The following CNTN5 variants were observed in gnomAD, a reference collection of about 807,000 sequenced individuals.
CNTN5 encodes contactin 5.
In CNTN5, 77 loss-of-function variants were observed where a neutral mutation model predicts 129.1. That is an observed-to-expected ratio of 0.60 (90% CI 0.50 to 0.72). The LOEUF is 0.72. CNTN5 is among the 30% of genes least tolerant of loss of function. CNTN5 has a pLI of 0.00. For synonymous variants in CNTN5, 509 were observed against 465.6 expected (o/e 1.09, Z -1.20); for missense variants, 1,478 against 1,328.8 (o/e 1.11, Z -1.75).
chr11:99,562,358 T>C (rs1201059848), intron 3 of CNTN5, among the ~76,000 whole-genome samples: 1 of 152,194 alleles, frequency 6.6e-6, no homozygotes, highest in Non-Finnish European at 1.5e-5. Flanking sequence ...ATCAGTCATA[T>C]ACAGGGAATA....
At chr11:99,329,217 A>G (rs1466798716) in intron 2 of CNTN5, among the ~76,000 whole-genome samples, 1 of 152,196 alleles carries the variant, frequency 6.6e-6, no homozygotes, top group Non-Finnish European at 1.5e-5. Flanking sequence ...TTAGTGTGAT[A>G]ATGTAACAGA....
At chr11:100,016,619 T>G (rs1394123703) in intron 9 of CNTN5, among the ~76,000 whole-genome samples, 2 of 152,008 alleles carry the variant, frequency 1.3e-5, no homozygotes, top group African/African-American at 2.4e-5. Flanking sequence ...CCAGGCTGTT[T>G]GCTTGATTTT....
intron 3 of CNTN5, among the ~76,000 whole-genome samples, chr11:99,689,472 A>T (rs1263141727): frequency 1.5e-5 from 2 of 133,794 alleles, no homozygotes; most frequent in East Asian, 5.0e-4. Flanking sequence ...GCTTGCAGTG[A>T]GCCGAGGTCG....
intron 13 of CNTN5, among the ~76,000 whole-genome samples, chr11:100,115,115 TAAAAA>T (rs11388029): frequency 1.3e-5 from 1 of 78,408 alleles, no homozygotes; most frequent in African/African-American, 5.1e-5. Flanking sequence ...AGGTATACAG[TAAAAA>T]AAAAAAAAAA....
At chr11:99,818,370 C>T (rs1946662411) in intron 3 of CNTN5, among the ~76,000 whole-genome samples, 1 of 152,130 alleles carries the variant, frequency 6.6e-6, no homozygotes, top group South Asian at 2.1e-4. Context: ...ATCCTCCCAG[C>T]TCAGCTTCCC....
At chr11:99,933,532 C>T (rs1373208616) in intron 7 of CNTN5, among the ~76,000 whole-genome samples, 1 of 152,096 alleles carries the variant, frequency 6.6e-6, no homozygotes, top group Non-Finnish European at 1.5e-5. Flanking sequence ...CCCTGATATT[C>T]ATTGATGTGA....
chr11:99,682,492 C>T (rs577178384), intron 3 of CNTN5, among the ~76,000 whole-genome samples: 1 of 151,960 alleles, frequency 6.6e-6, no homozygotes, highest in African/African-American at 2.4e-5. Context: ...ATAGAACAAA[C>T]TTGTAAACTT....
chr11:99,676,125 CT>C (rs1451253349), intron 3 of CNTN5, among the ~76,000 whole-genome samples: 1 of 151,960 alleles, frequency 6.6e-6, no homozygotes, highest in African/African-American at 2.4e-5. Flanking sequence ...TTAATTATTA[CT>C]TGCTATTCAT....
At chr11:99,598,334 C>G (rs1193457056) in intron 3 of CNTN5, among the ~76,000 whole-genome samples, 2 of 7,734 alleles carry the variant, frequency 2.6e-4, no homozygotes, top group African/African-American at 6.4e-4. Context: ...CTGTCCCTCT[C>G]TCTCTCTCTC....
At chr11:100,245,664 A>C (rs1172658344) in intron 16 of CNTN5, among the ~76,000 whole-genome samples, 1 of 152,172 alleles carries the variant, frequency 6.6e-6, no homozygotes, top group Non-Finnish European at 1.5e-5. Context: ...GCCCCTGCTC[A>C]TAATTTTTAA....
At chr11:100,018,557 G>A (rs917068644) in intron 9 of CNTN5, among the ~76,000 whole-genome samples, 1 of 151,800 alleles carries the variant, frequency 6.6e-6, no homozygotes, top group African/African-American at 2.4e-5. Flanking sequence ...ACCACCATGC[G>A]TGCATCTGTG....
chr11:99,791,193 G>A (rs1119257), intron 3 of CNTN5, among the ~76,000 whole-genome samples: 40,372 of 151,560 alleles, frequency 0.27, 5,670 homozygotes, highest in Non-Finnish European at 0.33. Context: ...TTGATTTTGG[G>A]GGTCTTAGTC....
intron 13 of CNTN5, among the ~76,000 whole-genome samples, chr11:100,181,919 A>G (rs1948149509): frequency 6.6e-6 from 1 of 152,074 alleles, no homozygotes; most frequent in African/African-American, 2.4e-5. Context: ...TGAAGTTCCA[A>G]TCAAAATCTC....
chr11:100,308,906 C>T, intron 21 of CNTN5: 1 of 980,676 alleles, frequency 1.0e-6, no homozygotes, highest in South Asian at 4.7e-5. Context: ...TGTATTGTAT[C>T]TATGTATTCA....
At chr11:99,567,753 G>A (rs896740453) in intron 3 of CNTN5, among the ~76,000 whole-genome samples, 19 of 152,204 alleles carry the variant, frequency 1.2e-4, no homozygotes, top group African/African-American at 4.6e-4. Context: ...TGATGATAAT[G>A]GAGACTACCT....
chr11:99,282,157 A>G (rs1166053993), intron 1 of CNTN5, among the ~76,000 whole-genome samples: 3 of 152,084 alleles, frequency 2.0e-5, no homozygotes, highest in Admixed American at 6.6e-5. Context: ...TAAACTCAGT[A>G]CAATTTTTCC....
At chr11:100,007,455 T>C (rs1196487209) in intron 9 of CNTN5, among the ~76,000 whole-genome samples, 2 of 152,098 alleles carry the variant, frequency 1.3e-5, no homozygotes, top group Non-Finnish European at 2.9e-5. Flanking sequence ...CTTAGATAGA[T>C]TTTCTGAATA....
chr11:99,310,984 T>A (rs1187009459), intron 1 of CNTN5, among the ~76,000 whole-genome samples: 2 of 152,128 alleles, frequency 1.3e-5, no homozygotes, highest in South Asian at 2.1e-4. Context: ...CATGCCGGAA[T>A]GCGGTGGTGC....
chr11:99,064,734 A>G (rs1431173937), intron 1 of CNTN5, among the ~76,000 whole-genome samples: 2 of 152,078 alleles, frequency 1.3e-5, no homozygotes, highest in African/African-American at 4.8e-5. Context: ...ATATATCAAG[A>G]TTATTTTCAT....
Sources: gnomAD v4.1 joint callset for allele counts (sites outside exome capture counted in the v4.1 genomes callset) on GRCh38, gnomAD v4.1.1 for gene constraint, MANE v1.5 for transcripts, NCBI Gene and HGNC (gene_info 2026-07-23, HGNC 2026-07-21) for gene names.